Variants in PRKCB observed in about 807,000 individuals in gnomAD.
The protein encoded by PRKCB is protein kinase C beta, also known as protein kinase C beta type.
A neutral mutation model predicts 81.5 loss-of-function variants in PRKCB; 13 were observed. The observed-to-expected ratio is 0.16, with a 90% CI of 0.10 to 0.25. The LOEUF (loss-of-function observed/expected upper bound fraction) is 0.25, where lower values mean the gene tolerates loss of function less well. Ranked by LOEUF, PRKCB falls within the 10% of genes least tolerant of loss-of-function variation. The pLI is 1.00. For synonymous variants in PRKCB, 335 were observed against 321.4 expected (o/e 1.04, Z -0.45); for missense variants, 509 against 875.7 (o/e 0.58, Z 5.29).
In PRKCB at chr16:23,903,635, C is replaced by T. The variant is rs184212513; in HGVS notation, c.205+66229C>T. Among the ~76,000 whole-genome samples the T allele has an allele frequency of 3.1e-3, 466 of 152,088 alleles. 2 individuals are homozygous for T. The highest frequency in any genetic ancestry group is 4.3e-3 in the Non-Finnish European group (291 of 67,994). Reference sequence around the variant, plus strand: ...TTTTGGATGGAGAAGAGGAGAATGCCGGAGAGGGGAAAGCAGCAGTGGAAT... The same window carrying T: ...TTTTGGATGGAGAAGAGGAGAATGCTGGAGAGGGGAAAGCAGCAGTGGAAT... On this transcript the variant is annotated intron_variant, in intron 2 of 16. Coordinates refer to ENST00000643927, the MANE Select transcript of PRKCB (RefSeq NM_002738.7).
In PRKCB at chr16:23,942,176, C is replaced by T. The variant is rs191613930; in HGVS notation, c.206-46332C>T. On this transcript the variant is annotated intron_variant, in intron 2 of 16. Transcript: ENST00000643927. ...TGCCACCAGCTCCCTTTTCCTCCTC[C>T]GCATGCTTGGCAGAAGGCCAGAGGA... Among the ~76,000 whole-genome samples the T allele has an allele frequency of 7.4e-3, 1,128 of 152,276 alleles. 11 individuals are homozygous for T. The highest frequency in any genetic ancestry group is 9.8e-3 in the Non-Finnish European group (666 of 68,030).
chr16:23,864,486 C>T (rs540519938), intron 2 of PRKCB, among the ~76,000 whole-genome samples: 52 of 152,262 alleles, frequency 3.4e-4, no homozygotes, highest in African/African-American at 1.1e-3. Context: ...GGCAAGATAG[C>T]CCTTGCTCCT....
At chr16:24,045,827 C>T (rs976429934) in intron 5 of PRKCB, among the ~76,000 whole-genome samples, 3 of 152,228 alleles carry the variant, frequency 2.0e-5, no homozygotes, top group Non-Finnish European at 2.9e-5. Flanking sequence ...CGCAGTGAGA[C>T]GGGAAGAATG....
At chr16:24,014,136 C>T (rs1965242587) in intron 3 of PRKCB, among the ~76,000 whole-genome samples, 1 of 152,178 alleles carries the variant, frequency 6.6e-6, no homozygotes, top group Admixed American at 6.6e-5. Flanking sequence ...AGGGCTGCAC[C>T]TGGAAACCAA....
At chr16:23,956,265 G>A (rs747979432) in intron 2 of PRKCB, among the ~76,000 whole-genome samples, 1 of 151,922 alleles carries the variant, frequency 6.6e-6, no homozygotes, top group African/African-American at 2.4e-5. Flanking sequence ...CTACAGGCAC[G>A]CGCCACCACG....
chr16:23,844,201 A>G (rs1962321289), intron 2 of PRKCB, among the ~76,000 whole-genome samples: 2 of 152,226 alleles, frequency 1.3e-5, no homozygotes, highest in African/African-American at 2.4e-5. Context: ...ATGTTCTGGC[A>G]TTTGCTCTAA....
chr16:24,062,437 C>T (rs1965985273), intron 5 of PRKCB, among the ~76,000 whole-genome samples: 1 of 152,212 alleles, frequency 6.6e-6, no homozygotes, highest in African/African-American at 2.4e-5. Flanking sequence ...ATCGCATTGG[C>T]TAATGTCCCA....
chr16:23,916,105 G>T (rs1011569725), intron 2 of PRKCB, among the ~76,000 whole-genome samples: 5 of 151,980 alleles, frequency 3.3e-5, no homozygotes, highest in Non-Finnish European at 7.4e-5. Context: ...CCAGGCTGGA[G>T]TGCAGTGGGG....
chr16:24,003,268 G>T (rs1057295295), intron 3 of PRKCB, among the ~76,000 whole-genome samples: 29 of 152,072 alleles, frequency 1.9e-4, no homozygotes, highest in Admixed American at 1.3e-4. Context: ...TGATGCATCT[G>T]CTTTGTCTTG....
At chr16:24,079,219 C>G (rs1346279789) in intron 5 of PRKCB, among the ~76,000 whole-genome samples, 5 of 152,176 alleles carry the variant, frequency 3.3e-5, no homozygotes, top group Non-Finnish European at 7.3e-5. Context: ...CCTTTGCTGA[C>G]TCTCTTTTCG....
chr16:24,123,693 G>T, intron 8 of PRKCB, 142 bp from the exon 9 acceptor site: 1 of 774,908 alleles, frequency 1.3e-6, no homozygotes, highest in Non-Finnish European at 2.1e-6. Context: ...TTTCAGGCTT[G>T]TGGAGTGATG....
intron 2 of PRKCB, among the ~76,000 whole-genome samples, chr16:23,959,945 C>T (rs1190603284): frequency 6.6e-6 from 1 of 152,142 alleles, no homozygotes; most frequent in Non-Finnish European, 1.5e-5. Flanking sequence ...GCTGTGTCCC[C>T]TCACCCTTCC....
At chr16:24,053,439 T>G (rs1036032018) in intron 5 of PRKCB, among the ~76,000 whole-genome samples, 3 of 152,246 alleles carry the variant, frequency 2.0e-5, no homozygotes, top group African/African-American at 7.2e-5. Context: ...AATAAAACTT[T>G]ATTTACAAAA....
At position 24,216,108 on chromosome 16, in the gene PRKCB, C is replaced by T; in HGVS notation, c.*1292C>T. 2 of 985,394 alleles carry T rather than the reference C, an allele frequency of 2.0e-6. No homozygotes were observed. Among genetic ancestry groups the T allele is most frequent in the Non-Finnish European group, 2.4e-6 (2 of 829,938 alleles). The allele number at this position is 985,394 out of a possible 1,614,324, so 61.0% of individuals were successfully genotyped here. A position where few individuals can be genotyped will look rare whatever the true frequency, so the allele number is the denominator to read the frequency against. On this transcript the variant is annotated 3_prime_UTR_variant, in exon 17 of 17. Transcript: ENST00000643927. ...AGGGAACTCAGGAGAAAGGAACTAA[C>T]TGCGGAGCTTTAATCTTGGCCCCAG...
chr16:24,035,815 T>G (rs1965609051), intron 5 of PRKCB, among the ~76,000 whole-genome samples: 1 of 152,190 alleles, frequency 6.6e-6, no homozygotes, highest in African/African-American at 2.4e-5. Flanking sequence ...TCTGAGTTCC[T>G]TGGACTTCTA....
intron 9 of PRKCB, among the ~76,000 whole-genome samples, chr16:24,146,827 AGAGAG>A (rs1456335034): frequency 6.6e-5 from 10 of 152,146 alleles, no homozygotes; most frequent in African/African-American, 2.2e-4. Flanking sequence ...CTCACCCTGG[AGAGAG>A]AGGGACAGCT....
At chr16:24,015,770 C>G (rs1376272843) in intron 3 of PRKCB, among the ~76,000 whole-genome samples, 2 of 152,116 alleles carry the variant, frequency 1.3e-5, no homozygotes, top group Admixed American at 1.3e-4. Flanking sequence ...TATTGTTTTC[C>G]CCAACTAGAC....
At chr16:24,032,484 C>T (rs1347538622) in intron 4 of PRKCB, among the ~76,000 whole-genome samples, 1 of 152,196 alleles carries the variant, frequency 6.6e-6, no homozygotes, top group African/African-American at 2.4e-5. Flanking sequence ...TCTGGGCTGG[C>T]CTCAGCTGAT....
At chr16:24,021,293 CCCTTCCTTCCTT>C (rs1157671937) in intron 3 of PRKCB, among the ~76,000 whole-genome samples, 277 of 18,378 alleles carry the variant, frequency 0.015, 10 homozygotes, top group African/African-American at 0.073. Context: ...CCCTCTCCCT[CCCTTCCTTCCTT>C]CCTTCCTTCC....
Sources: allele counts gnomAD v4.1 joint callset (sites outside exome capture counted in the v4.1 genomes callset), GRCh38; gene constraint gnomAD v4.1.1; transcripts MANE v1.5; gene names NCBI Gene and HGNC (gene_info 2026-07-23, HGNC 2026-07-21).